The following AHRR variants were observed in gnomAD, a reference collection of about 807,000 sequenced individuals.
AHRR encodes ahR repressor.
In AHRR, 28 loss-of-function variants were observed where a neutral mutation model predicts 44.0. The ratio of observed to expected loss-of-function variants is 0.64; its 90% CI spans 0.47 to 0.87. AHRR has a LOEUF of 0.87. AHRR is among the 40% of genes least tolerant of loss of function. The pLI is 0.00. For synonymous variants in AHRR, 434 were observed against 407.0 expected, an observed-to-expected ratio of 1.07 and a Z score of -0.80; for missense variants, 990 against 953.9, an observed-to-expected ratio of 1.04 and a Z score of -0.50.
At position 382,188 on chromosome 5, in the gene AHRR, A is replaced by T. The variant is rs528788438; in HGVS notation, c.351+5472A>T. 4.6e-5 allele frequency among the ~76,000 whole-genome samples: 7 copies of T among 152,308 alleles called. No individual in the cohort carries two copies. The East Asian group carries it at 1.4e-3, about 29-fold the overall frequency. Reference sequence around the variant, plus strand: ...ATGGTAACGCTGGCTTCTTAAAATTAATTGAGGGTATTCCCTTCTCTTCTG... The same window carrying T: ...ATGGTAACGCTGGCTTCTTAAAATTTATTGAGGGTATTCCCTTCTCTTCTG... On this transcript the variant is annotated intron_variant, in intron 4 of 10. Transcript: ENST00000684583.
rs370055582 is a variant in AHRR, at chr5:427,896, G to A, written c.798G>A (p.Leu266=). 9.9e-6 allele frequency: 16 copies of A among 1,614,040 alleles called. No individual in the cohort carries two copies. In the Admixed American group the frequency reaches 1.3e-4, roughly 13 times the overall value. Residue 266 remains leucine (L), a synonymous_variant, in exon 8 of 11, where the codon CTG becomes CTA. Transcript: ENST00000684583. Reference sequence around the variant, plus strand: ...CCATGCTCCCGCCGCGGCTGTCGCTGTTCTGCATTGCGGCACCCGTTCTCC... The same window carrying A: ...CCATGCTCCCGCCGCGGCTGTCGCTATTCTGCATTGCGGCACCCGTTCTCC... ...SGAMLPPRLS[L]FCIAAPVLLP...
intron 1 of AHRR, among the ~76,000 whole-genome samples, chr5:336,244 C>T (rs1021725544): frequency 2.0e-5 from 3 of 152,232 alleles, no homozygotes; most frequent in Non-Finnish European, 4.4e-5. Flanking sequence ...CCCTCACCCT[C>T]TCATACTGGG....
intron 7 of AHRR, among the ~76,000 whole-genome samples, chr5:425,425 C>T (rs901742602): frequency 1.3e-5 from 2 of 152,248 alleles, no homozygotes; most frequent in Admixed American, 1.3e-4. Flanking sequence ...TCACGCCATT[C>T]TCCTGCCTCA....
At chr5:414,242 G>A (rs1423296636) in intron 5 of AHRR, among the ~76,000 whole-genome samples, 1 of 152,012 alleles carries the variant, frequency 6.6e-6, no homozygotes, top group Non-Finnish European at 1.5e-5. Context: ...CAGCCTGGGT[G>A]ACAGAGCGAG....
In AHRR at chr5:345,433, C is replaced by T. The variant is rs556842464; in HGVS notation, c.62+1469C>T. Among the ~76,000 whole-genome samples, 96 of 19,222 alleles carry T rather than the reference C, an allele frequency of 5.0e-3. 1 individual carries two copies. Among genetic ancestry groups the T allele is most frequent in the African/African-American group, 0.012 (18 of 1,474 alleles). The allele number at this position is 19,222 out of a possible 152,430, so 12.6% of individuals were successfully genotyped here. Reference sequence around the variant, plus strand: ...CTGGCTGTGTGTGTGTGTGGGTGTGCGTGTGTGGGTGTGTGTGTGTGTGTG... The same window carrying T: ...CTGGCTGTGTGTGTGTGTGGGTGTGTGTGTGTGGGTGTGTGTGTGTGTGTG... On this transcript the variant is annotated intron_variant, in intron 2 of 10. Coordinates refer to ENST00000684583, the MANE Select transcript of AHRR (RefSeq NM_001377236.1).
At chr5:428,786 G>C (rs1013926264) in intron 8 of AHRR, among the ~76,000 whole-genome samples, 1 of 152,226 alleles carries the variant, frequency 6.6e-6, no homozygotes, top group Admixed American at 6.5e-5. Context: ...TGGGGGTGAT[G>C]GGAGACAGTG....
At chr5:422,511 G>A (rs925343878) in intron 5 of AHRR, 7 of 585,904 alleles carry the variant, frequency 1.2e-5, no homozygotes, top group Admixed American at 5.7e-5. Context: ...ACCACTTGGC[G>A]GGCAGACGGG....
Position 387,874 on chromosome 5 carries a change from T to A in AHRR, c.351+11158T>A, listed in dbSNP as rs904418544. Among the ~76,000 whole-genome samples, 3 of 152,172 alleles carry A rather than the reference T, an allele frequency of 2.0e-5. No homozygotes were observed. The highest frequency in any genetic ancestry group is 4.4e-5 in the Non-Finnish European group (3 of 68,022). On this transcript the variant is annotated intron_variant, in intron 4 of 10. Transcript: ENST00000684583. The surrounding 1 kb of genome is among the most constrained non-coding windows in gnomAD (Gnocchi z 5.1). ...GGCCAGGAGCCAAAACCAGCGCCGA[T>A]GGGCTGCAAGCGAGGTGTTGGCAGG...
Position 344,964 on chromosome 5 carries a change from T to G in AHRR, c.62+1000T>G, listed in dbSNP as rs190473742. Among the ~76,000 whole-genome samples, 47 of 65,468 alleles carry G rather than the reference T, an allele frequency of 7.2e-4. 2 individuals are homozygous for G. Among genetic ancestry groups the G allele is most frequent in the South Asian group, 2.4e-3 (3 of 1,234 alleles). 42.9% of individuals were successfully genotyped at this position (65,468 alleles called of 152,430 possible). Reference sequence around the variant, plus strand: ...TGTGGGGGGGGTGTGTGTGTGAGGTTGGGGGCTGTGTGGGGTGTGTGTGAG... The same window carrying G: ...TGTGGGGGGGGTGTGTGTGTGAGGTGGGGGGCTGTGTGGGGTGTGTGTGAG... On this transcript the variant is annotated intron_variant, in intron 2 of 10. Coordinates refer to ENST00000684583, the MANE Select transcript of AHRR (RefSeq NM_001377236.1).
chr5:354,230 A>AGGGGCT (rs1272196210), intron 3 of AHRR, among the ~76,000 whole-genome samples: 3 of 152,098 alleles, frequency 2.0e-5, no homozygotes, highest in Non-Finnish European at 4.4e-5. Flanking sequence ...CTGCTGAGGG[A>AGGGGCT]GGGGCTGGGG....
chr5:421,281 G>A (rs1736101791), intron 5 of AHRR: 3 of 698,472 alleles, frequency 4.3e-6, no homozygotes, highest in East Asian at 2.7e-5. Context: ...GGCACGGAAC[G>A]GGCGAGGCTG....
At chr5:367,596 C>T (rs570705343) in intron 3 of AHRR, among the ~76,000 whole-genome samples, 4 of 152,176 alleles carry the variant, frequency 2.6e-5, no homozygotes, top group African/African-American at 4.8e-5. Flanking sequence ...GGGCGGCATC[C>T]GAGGCTCAGC....
rs533272639 is a variant in AHRR at position 405,828 on chromosome 5, T to C, written c.352-7516T>C. On this transcript the variant is annotated intron_variant, in intron 4 of 10. Coordinates refer to ENST00000684583, the MANE Select transcript of AHRR (RefSeq NM_001377236.1). The surrounding 1 kb of genome is among the most constrained non-coding windows in gnomAD (Gnocchi z 4.5). ...ACGTGTGACTTTTCTTTTTGGATAC[T>C]TTACTGATTGAAAAATATGGCTTTG... is the stretch of plus-strand genomic sequence containing the variant. 1.4e-3 allele frequency among the ~76,000 whole-genome samples: 214 copies of C among 152,360 alleles called. No individual in the cohort carries two copies. The highest frequency in any genetic ancestry group is 5.0e-3 in the African/African-American group (209 of 41,580).
At chr5:327,105 G>A (rs1275345238) in intron 1 of AHRR, among the ~76,000 whole-genome samples, 1 of 152,110 alleles carries the variant, frequency 6.6e-6, no homozygotes, top group African/African-American at 2.4e-5. Flanking sequence ...TCGTATAAAT[G>A]GTATTGAATT....
chr5:354,048 C>T, intron 3 of AHRR, 137 bp downstream of exon 3: 3 of 956,858 alleles, frequency 3.1e-6, no homozygotes, highest in Non-Finnish European at 4.6e-6. Context: ...CCACGCTGCC[C>T]CCAGAACCTG....
In AHRR at chr5:413,299, G is replaced by C. The variant is rs768639136; in HGVS notation, c.352-45G>C. The C allele has an allele frequency of 2.9e-6, 4 of 1,383,958 alleles. No homozygotes were observed. In the South Asian group the frequency reaches 5.0e-5, roughly 17 times the overall value. 85.7% of individuals were successfully genotyped at this position (1,383,958 alleles called of 1,614,324 possible). A position where few individuals can be genotyped will look rare whatever the true frequency, so the allele number is the denominator to read the frequency against. The stretch of plus-strand genomic sequence containing the variant: ...AGGATTCTTGCACTTTTTCATTTTG[G>C]GTGAGCCAATTCGATTTTTTTTTTT... On this transcript the variant is annotated intron_variant, in intron 4 of 10. Transcript: ENST00000684583.
chr5:422,730 CG>C lies in AHRR; in HGVS notation c.445del (p.Asp149MetfsTer2). ...AATAATCTTGTTGCGCTATTTCAGA[CG>C]GATGTAATGCACCAGAACATTTATG... Reference protein sequence around the residue: ...TIVDYLGFHQTDVMHQNIYDY... With the variant: ...TIVDYLGFHQXDVMHQNIYDY... On this transcript the variant is annotated frameshift_variant and splice_region_variant, in exon 6 of 11. Transcript: ENST00000684583. The C allele has an allele frequency of 3.1e-6, 5 of 1,614,160 alleles. No homozygotes were observed. Among genetic ancestry groups the C allele is most frequent in the Non-Finnish European group, 4.2e-6 (5 of 1,180,016 alleles).
intron 4 of AHRR, among the ~76,000 whole-genome samples, chr5:384,737 T>G (rs1294606943): frequency 1.3e-5 from 2 of 152,204 alleles, no homozygotes; most frequent in African/African-American, 2.4e-5. Flanking sequence ...TCATAAATAT[T>G]TTAAAGAACT....
intron 3 of AHRR, among the ~76,000 whole-genome samples, chr5:369,377 C>A (rs985971136): frequency 3.3e-5 from 5 of 152,238 alleles, no homozygotes; most frequent in African/African-American, 1.2e-4. Context: ...CTGGTCCCCT[C>A]CTGCCCACAG....
Sources: allele counts gnomAD v4.1 joint callset (sites outside exome capture counted in the v4.1 genomes callset), GRCh38; gene constraint gnomAD v4.1.1; non-coding constraint Gnocchi (gnomAD v3.1); transcripts MANE v1.5; gene names NCBI Gene and HGNC (gene_info 2026-07-23, HGNC 2026-07-21).